The following TNIP1 variants were observed in gnomAD, a reference collection of about 807,000 sequenced individuals.
The protein encoded by TNIP1 is TNFAIP3 interacting protein 1.
A neutral mutation model predicts 86.6 loss-of-function variants in TNIP1; 22 were observed. The ratio of observed to expected loss-of-function variants is 0.25; its 90% CI spans 0.18 to 0.36. The LOEUF (loss-of-function observed/expected upper bound fraction) is 0.36. Among genes scored for constraint, TNIP1 ranks in the 10% least tolerant of loss-of-function variants. TNIP1 has a pLI of 1.00. For missense variants in TNIP1, 709 were observed against 820.6 expected, an observed-to-expected ratio of 0.86 and a Z score of 1.66; for synonymous variants, 294 against 313.0, an observed-to-expected ratio of 0.94 and a Z score of 0.64.
In TNIP1 at chr5:151,052,278, G is replaced by C; in HGVS notation, c.628-19C>G. On this transcript the variant is annotated intron_variant, in intron 6 of 17. Transcript: ENST00000521591. ...ACAGGGTCTGTGGGGCAGGGGAACAGACAGGGTGAGGGAAAGGAGGGGCCC... is the reference window on the plus strand; with the variant it reads ...ACAGGGTCTGTGGGGCAGGGGAACACACAGGGTGAGGGAAAGGAGGGGCCC... The C allele has an allele frequency of 6.2e-7, 1 of 1,608,062 alleles. No homozygotes were observed. Among genetic ancestry groups the C allele is most frequent in the South Asian group, 1.1e-5 (1 of 90,188 alleles).
At chr5:151,062,299 G>C (rs1449909796) in intron 3 of TNIP1, 87 bp from the exon 4 acceptor site, 3 of 1,256,440 alleles carry the variant, frequency 2.4e-6, no homozygotes, top group Admixed American at 3.5e-5. Context: ...TTGACAAAAG[G>C]GTTCTCAGAC....
intron 9 of TNIP1, among the ~76,000 whole-genome samples, chr5:151,044,025 T>C (rs186963767): frequency 6.6e-4 from 100 of 152,276 alleles, no homozygotes; most frequent in Admixed American, 6.2e-3. Context: ...ATTAAAGGAA[T>C]ATAGCATATG....
rs1011584710 is a variant in TNIP1 at position 151,035,186 on chromosome 5, T to C, written c.1522-119A>G. The C allele has an allele frequency of 7.6e-6, 9 of 1,179,170 alleles. No individual in the cohort carries two copies. In the African/African-American group the frequency reaches 9.1e-5, roughly 12 times the overall value. 73.0% of individuals were successfully genotyped at this position (1,179,170 alleles called of 1,614,324 possible). On this transcript the variant is annotated intron_variant, in intron 14 of 17. Coordinates refer to ENST00000521591, the MANE Select transcript of TNIP1 (RefSeq NM_006058.5). ...GCTGATGCTTCCCTCTGGGCCACCA[T>C]GCGTGGGCCAGCCCCGGGAAAGGGC...
upstream of TNIP1, among the ~76,000 whole-genome samples, chr5:151,084,255 G>C (rs1257797977): frequency 6.6e-6 from 1 of 152,164 alleles, no homozygotes; most frequent in Non-Finnish European, 1.5e-5. Context: ...GACCAGCCTG[G>C]CCAACATGGT....
At chr5:151,066,061 G>A (rs781043663) in intron 1 of TNIP1, among the ~76,000 whole-genome samples, 3 of 152,320 alleles carry the variant, frequency 2.0e-5, no homozygotes, top group Admixed American at 2.0e-4. Context: ...GCACCAGTCT[G>A]GGTGCTGAGG....
At chr5:151,062,971 A>C (rs1471467215) in intron 3 of TNIP1, among the ~76,000 whole-genome samples, 1 of 152,208 alleles carries the variant, frequency 6.6e-6, no homozygotes, top group Non-Finnish European at 1.5e-5. Context: ...GATCATTTCC[A>C]TCCTGGTCCC....
chr5:151,032,368 G>C lies in TNIP1; in HGVS notation c.1795C>G (p.Arg599Gly). 3.7e-6 allele frequency: 6 copies of C among 1,614,080 alleles called. No homozygotes were observed. Among genetic ancestry groups the C allele is most frequent in the Non-Finnish European group, 5.1e-6 (6 of 1,180,004 alleles). The change falls in exon 17 of 18, where the codon CGT becomes GGT. Residue 599 changes from arginine (R) to glycine (G), a missense_variant. Arg to Gly is a moderately radical substitution (Grantham distance 125, BLOSUM62 -2). Transcript: ENST00000521591. ...TTTCGAACCCCTCCACAGGGTAGAC[G>C]CCAGGTGTATTCCGGCTGCGACAAA... ...RLFHLPEYTWRLPCGGVRNPN... is the reference protein window; with the variant it reads ...RLFHLPEYTWGLPCGGVRNPN...
intron 11 of TNIP1, among the ~76,000 whole-genome samples, chr5:151,039,462 G>T (rs2113360441): frequency 6.6e-6 from 1 of 152,204 alleles, no homozygotes; most frequent in East Asian, 1.9e-4. Context: ...TTGAGTAAAA[G>T]ACCCTGGATT....
intron 16 of TNIP1, 54 bp downstream of exon 16, chr5:151,033,554 T>C: frequency 8.5e-7 from 1 of 1,181,724 alleles, no homozygotes; most frequent in South Asian, 1.6e-5. Context: ...CTCTGGAAGG[T>C]GTCTGGGGCA....
intron 11 of TNIP1, among the ~76,000 whole-genome samples, chr5:151,041,836 C>T (rs1758454632): frequency 6.6e-6 from 1 of 152,120 alleles, no homozygotes; most frequent in Admixed American, 6.5e-5. Flanking sequence ...ATAAATGAAG[C>T]TCTGTCTCAT....
At position 151,045,906 on chromosome 5, in the gene TNIP1, G is replaced by T; in HGVS notation, c.891C>A (p.Gly297=). 1 of 1,613,916 alleles carries T rather than the reference G, an allele frequency of 6.2e-7. No individual in the cohort carries two copies. Among genetic ancestry groups the T allele is most frequent in the Non-Finnish European group, 8.5e-7 (1 of 1,179,986 alleles). Reference sequence around the variant, plus strand: ...GCATCTTCACCTTCTTCTCGGCTGCGCCCAAGGCCACCACCTCTGGGACCT... The same window carrying T: ...GCATCTTCACCTTCTTCTCGGCTGCTCCCAAGGCCACCACCTCTGGGACCT... ...AGKVPEVVAL[G]AAEKKVKMLE... The change falls in exon 9 of 18, where the codon GGC becomes GGA. Residue 297 remains glycine (G), a synonymous_variant. Coordinates refer to ENST00000521591, the MANE Select transcript of TNIP1 (RefSeq NM_006058.5).
At position 151,071,548 on chromosome 5, in the gene TNIP1, A is replaced by G. The variant is rs137918773; in HGVS notation, c.-36-6417T>C. ...AACCTTCTAACCTTAAGAAGGCTCCAATCCCCAGCTCCAATCCCTTCTAAG... is the reference window on the plus strand; with the variant it reads ...AACCTTCTAACCTTAAGAAGGCTCCGATCCCCAGCTCCAATCCCTTCTAAG... On this transcript the variant is annotated intron_variant, in intron 1 of 17. Coordinates refer to ENST00000521591, the MANE Select transcript of TNIP1 (RefSeq NM_006058.5). 1.8e-3 allele frequency among the ~76,000 whole-genome samples: 276 copies of G among 152,224 alleles called. 2 individuals carry two copies. The highest frequency in any genetic ancestry group is 6.3e-3 in the African/African-American group (262 of 41,508).
chr5:151,042,596 G>C lies in TNIP1; in HGVS notation c.1078C>G (p.Gln360Glu), dbSNP rs750166669. The C allele has an allele frequency of 4.8e-5, 77 of 1,613,796 alleles. No homozygotes were observed. The highest frequency in any genetic ancestry group is 3.3e-4 in the Middle Eastern group (2 of 6,084). Residue 360 changes from glutamine (Q) to glutamate (E), a missense_variant, in exon 11 of 18, where the codon CAG becomes GAG. Coordinates refer to ENST00000521591, the MANE Select transcript of TNIP1 (RefSeq NM_006058.5). Reference protein sequence around the residue: ...TDLEAEREQKQRDFDRKLLLA... With the variant: ...TDLEAEREQKERDFDRKLLLA... ...AGGAGCTTGCGGTCAAAGTCACGCT[G>C]CTTCTGCTCCCGCTCGGCCTCCAGG...
intron 9 of TNIP1, among the ~76,000 whole-genome samples, chr5:151,044,333 C>G (rs575400572): frequency 6.6e-6 from 1 of 151,988 alleles, no homozygotes; most frequent in East Asian, 1.9e-4. Flanking sequence ...TGAGCCACCA[C>G]GCCTGACCCA....
intron 12 of TNIP1, among the ~76,000 whole-genome samples, chr5:151,037,911 C>A (rs1757922529): frequency 6.6e-6 from 1 of 152,200 alleles, no homozygotes; most frequent in Non-Finnish European, 1.5e-5. Context: ...TCTTCCTACT[C>A]CACCCCACTT....
intron 5 of TNIP1, among the ~76,000 whole-genome samples, chr5:151,057,424 ATCT>A: frequency 6.6e-6 from 1 of 152,278 alleles, no homozygotes; most frequent in East Asian, 1.9e-4. Flanking sequence ...CAGATCAAAA[ATCT>A]TCTAAAAAAA....
At chr5:151,075,465 C>T (rs1168057022) in intron 1 of TNIP1, among the ~76,000 whole-genome samples, 17 of 152,034 alleles carry the variant, frequency 1.1e-4, no homozygotes, top group Admixed American at 1.1e-3. Context: ...AGCATAGTTC[C>T]CAACAGTTTT....
At chr5:151,032,258 A>T (rs776343175) in intron 17 of TNIP1, 29 bp downstream of exon 17, 1 of 1,564,592 alleles carries the variant, frequency 6.4e-7, no homozygotes, top group Non-Finnish European at 8.8e-7. Context: ...TCCCCCAGGG[A>T]GGACCAAGAC....
At chr5:151,067,908 C>T (rs1285886322) in intron 1 of TNIP1, among the ~76,000 whole-genome samples, 1 of 152,178 alleles carries the variant, frequency 6.6e-6, no homozygotes, top group Admixed American at 6.5e-5. Context: ...CTCAGAGAGG[C>T]CCAGATGTAA....
Sources: gnomAD v4.1 joint callset for allele counts (sites outside exome capture counted in the v4.1 genomes callset) on GRCh38, gnomAD v4.1.1 for gene constraint, MANE v1.5 for transcripts, NCBI Gene and HGNC (gene_info 2026-07-23, HGNC 2026-07-21) for gene names.